The following RUNX3 variants were observed in gnomAD, a reference collection of about 807,000 sequenced individuals.
RUNX3 encodes runt-related transcription factor 3.
RUNX3 carries 10 observed loss-of-function variants against 27.7 expected under a neutral mutation model. That is an observed-to-expected ratio of 0.36 (90% CI 0.22 to 0.61). The LOEUF is 0.61. Ranked by LOEUF, RUNX3 falls within the 20% of genes least tolerant of loss-of-function variation. The pLI is 0.72. For missense variants in RUNX3, 469 were observed against 629.5 expected (o/e 0.75, Z 2.73); for synonymous variants, 270 against 269.2 (o/e 1.00, Z -0.03).
chr1:24,947,146 G>A (rs866138429), intron 2 of RUNX3, among the ~76,000 whole-genome samples: 13 of 152,202 alleles, frequency 8.5e-5, no homozygotes, highest in Non-Finnish European at 5.9e-5. Context: ...TCTTACAGGT[G>A]AGAACACTGA....
intron 2 of RUNX3, chr1:24,961,334 G>A (rs899929391): frequency 6.6e-6 from 1 of 152,214 alleles, no homozygotes; most frequent in Non-Finnish European, 1.5e-5. Context: ...GCCTGTTTTT[G>A]CCAGTGAAGA....
chr1:24,902,219 T>C lies in RUNX3; in HGVS notation c.1151A>G (p.Gln384Arg), dbSNP rs1640568924. The stretch of plus-strand genomic sequence containing the variant: ...GCCGTCGGCCTCCACGCCATCACTC[T>C]GGCCGCCCAGGCTGGGGTTCATGAG... The part of the protein sequence containing the change: ...GNLMNPSLGG[Q>R]SDGVEADGSH... The change falls in exon 5 of 5, where the codon CAG (glutamine) becomes CGG (arginine). Residue 384 changes from glutamine (Q) to arginine (R), a missense_variant. Physicochemically the swap from Gln to Arg is conservative, Grantham distance 43. Around this residue, in one of 3 missense-constraint regions of RUNX3, gnomAD observed 279 missense variants for 343.0 expected, o/e 0.81. Transcript: ENST00000308873. This position sits in a 1 kb window ranked among gnomAD's most constrained non-coding sequence, Gnocchi z 9.2. 1 of 1,572,074 alleles carries C rather than the reference T, an allele frequency of 6.4e-7. No individual in the cohort carries two copies. Among genetic ancestry groups the C allele is most frequent in the South Asian group, 1.2e-5 (1 of 86,146 alleles).
At chr1:24,925,999 G>T (rs572444213) in intron 2 of RUNX3, among the ~76,000 whole-genome samples, 2 of 152,166 alleles carry the variant, frequency 1.3e-5, no homozygotes, top group Non-Finnish European at 1.5e-5. Context: ...TCAGAAAATC[G>T]TCGTCTCTTC....
intron 4 of RUNX3, among the ~76,000 whole-genome samples, chr1:24,903,605 T>TTGAG (rs1158283588): frequency 1.3e-5 from 2 of 152,190 alleles, no homozygotes; most frequent in Non-Finnish European, 2.9e-5. Context: ...GGCTCAGGGA[T>TTGAG]TGAGTCTAAC....
chr1:24,911,312 A>G (rs1640791799), intron 3 of RUNX3, among the ~76,000 whole-genome samples: 2 of 152,188 alleles, frequency 1.3e-5, no homozygotes, highest in Non-Finnish European at 2.9e-5. Flanking sequence ...CAGGAGAATA[A>G]AGTCCCCTGT....
chr1:24,946,372 C>G (rs1000865740), intron 2 of RUNX3, among the ~76,000 whole-genome samples: 1 of 151,704 alleles, frequency 6.6e-6, no homozygotes, highest in African/African-American at 2.4e-5. Context: ...ATCTTCTTCT[C>G]TTCCCCGCCC....
rs1013997091 is a variant in RUNX3, at chr1:24,907,312, C to T, written c.650G>A (p.Gly217Asp). ...RVTPSTPSPR[G>D]SLSTTSHFSS... ...GAAGTGGCTTGTGGTGCTGAGTGAG[C>T]CTCGGGGGCTGGGTGTGCTCGGTGT... The change falls in exon 4 of 5, where the codon GGC (glycine) becomes GAC (aspartate). Residue 217 changes from glycine (G) to aspartate (D), a missense_variant. Gly to Asp is a moderately conservative substitution (Grantham distance 94, BLOSUM62 -1). This residue lies in a region of RUNX3 where 279 missense variants were observed against 343.0 expected (regional missense o/e 0.81). Coordinates refer to ENST00000308873, the MANE Select transcript of RUNX3 (RefSeq NM_004350.3). The T allele has an allele frequency of 2.5e-6, 4 of 1,612,812 alleles. No homozygotes were observed. Among genetic ancestry groups the T allele is most frequent in the Non-Finnish European group, 3.4e-6 (4 of 1,180,008 alleles).
chr1:24,900,427 GTT>G lies in RUNX3; in HGVS notation c.*1693_*1694del, dbSNP rs888101419. 8.5e-5 allele frequency: 13 copies of G among 152,384 alleles called. No individual in the cohort carries two copies. The highest frequency in any genetic ancestry group is 3.1e-4 in the African/African-American group (13 of 41,454). 9.4% of individuals were successfully genotyped at this position (152,384 alleles called of 1,614,324 possible). On this transcript the variant is annotated 3_prime_UTR_variant, in exon 5 of 5. Transcript: ENST00000308873. ...GCATCCACAGAGGCCGAGGCAGAAA[GTT>G]AAAATACCGCATGCTGCTAGCCTTT...
intron 3 of RUNX3, among the ~76,000 whole-genome samples, chr1:24,910,612 C>T (rs2124261720): frequency 6.6e-6 from 1 of 152,354 alleles, no homozygotes; most frequent in South Asian, 2.1e-4. Context: ...GCTCCCTACG[C>T]ATCCCTGTTG....
intron 2 of RUNX3, among the ~76,000 whole-genome samples, chr1:24,946,936 G>A (rs530351773): frequency 2.2e-4 from 33 of 152,270 alleles, no homozygotes; most frequent in African/African-American, 7.2e-4. Flanking sequence ...ATTTCTCCAC[G>A]TTATGGTCTA....
intron 2 of RUNX3, among the ~76,000 whole-genome samples, chr1:24,951,686 T>G (rs760805935): frequency 6.6e-6 from 1 of 152,216 alleles, no homozygotes; most frequent in Non-Finnish European, 1.5e-5. Context: ...AGGATGCTCC[T>G]TGACCTGAGG....
Position 24,927,515 on chromosome 1 carries a change from C to T in RUNX3, c.439+59G>A. 6.3e-7 allele frequency: 1 copy of T among 1,577,258 alleles called. No homozygotes were observed. Among genetic ancestry groups the T allele is most frequent in the Non-Finnish European group, 8.7e-7 (1 of 1,147,706 alleles). On this transcript the variant is annotated intron_variant, in intron 2 of 4. Coordinates refer to ENST00000308873, the MANE Select transcript of RUNX3 (RefSeq NM_004350.3). This position sits in a 1 kb window ranked among gnomAD's most constrained non-coding sequence, Gnocchi z 5.0. ...ATTCTAAGGCCCCTCTTTCAACCTC[C>T]TTCCCTGCTGCCCCTGCCATTGCCA...
Position 24,929,700 on chromosome 1 carries a change from C to G in RUNX3, c.169G>C (p.Asp57His). 6.4e-7 allele frequency: 1 copy of G among 1,569,650 alleles called. No homozygotes were observed. Residue 57 changes from aspartate to histidine, a missense_variant, in exon 1 of 5, where the codon GAC (aspartate) becomes CAC (histidine). Asp to His is a moderately conservative substitution (Grantham distance 81). Coordinates refer to ENST00000308873, the MANE Select transcript of RUNX3 (RefSeq NM_004350.3). ...RARPEVRSMV[D>H]VLADHAGELV... Reference sequence around the variant, plus strand: ...TCGCCTGCGTGGTCCGCCAGCACGTCCACCATCGAGCGCACCTCGGGCCGG... The same window carrying G: ...TCGCCTGCGTGGTCCGCCAGCACGTGCACCATCGAGCGCACCTCGGGCCGG...
At chr1:24,944,041 C>T (rs987971270) in intron 2 of RUNX3, among the ~76,000 whole-genome samples, 2 of 152,106 alleles carry the variant, frequency 1.3e-5, no homozygotes, top group South Asian at 2.1e-4. Flanking sequence ...TAAACATTAG[C>T]GACTTAGCCC....
chr1:24,954,884 C>A (rs752485744), intron 2 of RUNX3, among the ~76,000 whole-genome samples: 2 of 152,218 alleles, frequency 1.3e-5, no homozygotes, highest in Non-Finnish European at 2.9e-5. Flanking sequence ...GAGAACCGCC[C>A]TGTGCATCAT....
At chr1:24,921,313 C>A (rs1405508469) in intron 2 of RUNX3, among the ~76,000 whole-genome samples, 1 of 152,182 alleles carries the variant, frequency 6.6e-6, no homozygotes, top group Non-Finnish European at 1.5e-5. Context: ...CAAAATTAAA[C>A]CAGCCAGGCT....
At chr1:24,953,282 G>A (rs1328630968) in intron 2 of RUNX3, among the ~76,000 whole-genome samples, 2 of 146,188 alleles carry the variant, frequency 1.4e-5, no homozygotes, top group South Asian at 2.3e-4. Flanking sequence ...GGAGAATGGC[G>A]TGAACCCAGG....
intron 2 of RUNX3, among the ~76,000 whole-genome samples, chr1:24,944,277 G>T (rs553555851): frequency 6.6e-6 from 1 of 152,198 alleles, no homozygotes; most frequent in South Asian, 2.1e-4. Flanking sequence ...CCCTGCTCCA[G>T]CCACCCTGCC....
At chr1:24,934,165 A>G (rs1196221153), upstream of RUNX3, among the ~76,000 whole-genome samples, 1 of 152,196 alleles carries the variant, frequency 6.6e-6, no homozygotes, top group East Asian at 1.9e-4. Flanking sequence ...ACTCATCTGC[A>G]TCCTGATTTC....
Sources: allele counts gnomAD v4.1 joint callset (sites outside exome capture counted in the v4.1 genomes callset), GRCh38; gene constraint gnomAD v4.1.1; regional missense constraint gnomAD v4.1.1; non-coding constraint Gnocchi (gnomAD v3.1); transcripts MANE v1.5; gene names NCBI Gene and HGNC (gene_info 2026-07-23, HGNC 2026-07-21).